The following ADCK1 variants were observed in gnomAD, a reference collection of about 807,000 sequenced individuals.
The protein encoded by ADCK1 is aarF domain-containing protein kinase 1.
ADCK1 carries 41 observed loss-of-function variants against 52.3 expected under a neutral mutation model. The observed-to-expected ratio is 0.78, with a 90% CI of 0.61 to 1.02. The LOEUF is 1.02. Among genes scored for constraint, ADCK1 ranks in the 50% least tolerant of loss-of-function variants. The pLI is 0.00. For synonymous variants in ADCK1, 250 were observed against 274.6 expected (o/e 0.91, Z 0.89); for missense variants, 658 against 679.5 (o/e 0.97, Z 0.35).
chr14:77,855,457 T>C (rs2082398072), intron 3 of ADCK1, among the ~76,000 whole-genome samples: 1 of 152,240 alleles, frequency 6.6e-6, no homozygotes, highest in Admixed American at 6.5e-5. Flanking sequence ...TGAGACACTC[T>C]GAAGTCCTGT....
Position 77,827,897 on chromosome 14 carries a change from C to T in ADCK1, c.219+5379C>T, listed in dbSNP as rs368051887. ...AGGCTGGAGTGCATTGGCGTGATCT[C>T]GGCTCACTGCAACCTCTACCTCCTG... On this transcript the variant is annotated intron_variant, in intron 3 of 10. Transcript: ENST00000238561. 9 of 400,882 alleles carry T rather than the reference C, an allele frequency of 2.2e-5. No individual in the cohort carries two copies. The Middle Eastern group carries it at 2.6e-3, about 115-fold the overall frequency. 24.8% of individuals were successfully genotyped at this position (400,882 alleles called of 1,614,324 possible). A position where few individuals can be genotyped will look rare whatever the true frequency, so the allele number is the denominator to read the frequency against.
At chr14:77,856,614 A>G (rs2082421954) in intron 3 of ADCK1, among the ~76,000 whole-genome samples, 2 of 152,210 alleles carry the variant, frequency 1.3e-5, no homozygotes, top group Admixed American at 1.3e-4. Flanking sequence ...CTTTGACTCC[A>G]TCTGACCTAA....
At chr14:77,910,831 G>A (rs1020794297) in intron 7 of ADCK1, among the ~76,000 whole-genome samples, 1 of 152,184 alleles carries the variant, frequency 6.6e-6, no homozygotes, top group East Asian at 1.9e-4. Context: ...TCTGAGGACT[G>A]GTCTCATCTG....
Position 77,847,869 on chromosome 14 carries a change from T to A in ADCK1, c.220-11207T>A, listed in dbSNP as rs139292130. ...CATGAATTTGTTCCCAATCTCAGAG[T>A]TTGTTTTCTGGCTTACTGGAACAGT... On this transcript the variant is annotated intron_variant, in intron 3 of 10. Coordinates refer to ENST00000238561, the MANE Select transcript of ADCK1 (RefSeq NM_020421.4). Among the ~76,000 whole-genome samples, 13 of 152,184 alleles carry A rather than the reference T, an allele frequency of 8.5e-5. No homozygotes were observed. The East Asian group carries it at 1.5e-3, about 18-fold the overall frequency.
At chr14:77,879,689 A>T (rs1476952421) in intron 4 of ADCK1, among the ~76,000 whole-genome samples, 1 of 152,200 alleles carries the variant, frequency 6.6e-6, no homozygotes, top group African/African-American at 2.4e-5. Context: ...CCCTAGCTGC[A>T]TGTGTAGGCT....
chr14:77,921,385 G>A (rs1019938003), intron 7 of ADCK1, among the ~76,000 whole-genome samples: 11 of 145,396 alleles, frequency 7.6e-5, no homozygotes, highest in Non-Finnish European at 1.7e-4. Context: ...AAAACAAACT[G>A]TGGTGTGCGT....
chr14:77,873,364 T>C (rs2082827699), intron 4 of ADCK1, among the ~76,000 whole-genome samples: 2 of 152,256 alleles, frequency 1.3e-5, no homozygotes, highest in South Asian at 4.1e-4. Flanking sequence ...CCTTGGTGAT[T>C]TATGCCATGG....
chr14:77,922,680 G>A (rs2084090294), intron 7 of ADCK1, among the ~76,000 whole-genome samples: 1 of 152,224 alleles, frequency 6.6e-6, no homozygotes, highest in South Asian at 2.1e-4. Flanking sequence ...CTAGAAGGCT[G>A]CGGGGTCAGC....
At chr14:77,805,892 C>T (rs72688829) in intron 1 of ADCK1, among the ~76,000 whole-genome samples, 20,621 of 151,512 alleles carry the variant, frequency 0.14, 1,552 homozygotes, top group Middle Eastern at 0.2. Flanking sequence ...AATCTTGTGA[C>T]CTCTGATCAC....
chr14:77,802,593 T>A (rs944279029), intron 1 of ADCK1, among the ~76,000 whole-genome samples: 1 of 151,228 alleles, frequency 6.6e-6, no homozygotes, highest in African/African-American at 2.4e-5. Context: ...CTTTATTTAA[T>A]CAACATTGAT....
rs558205777 is a variant in ADCK1, at chr14:77,805,210, TA to T, written c.-12+5059del. On this transcript the variant is annotated intron_variant, in intron 1 of 10. Transcript: ENST00000238561. ...AACAAGAGTGAGACTCTGTCTCATT[TA>T]AAAAAAAAAAAAAAAAAAGAGTCAT... Among the ~76,000 whole-genome samples, 682 of 101,484 alleles carry T rather than the reference TA, an allele frequency of 6.7e-3. 7 individuals are homozygous for T. The highest frequency in any genetic ancestry group is 0.037 in the East Asian group (125 of 3,408). The allele number at this position is 101,484 out of a possible 152,430, so 66.6% of individuals were successfully genotyped here.
At chr14:77,926,208 CA>C (rs1566741431) in intron 9 of ADCK1, among the ~76,000 whole-genome samples, 2 of 152,214 alleles carry the variant, frequency 1.3e-5, no homozygotes, top group African/African-American at 2.4e-5. Context: ...CTGGAGGAAA[CA>C]GGTGCACATT....
At chr14:77,869,283 C>T (rs548967914) in intron 4 of ADCK1, among the ~76,000 whole-genome samples, 3 of 152,228 alleles carry the variant, frequency 2.0e-5, no homozygotes, top group Admixed American at 1.3e-4. Context: ...TCTGAGGCCG[C>T]GAGGGAGGAT....
chr14:77,841,645 A>G (rs980562578), intron 3 of ADCK1, among the ~76,000 whole-genome samples: 8 of 142,478 alleles, frequency 5.6e-5, no homozygotes, highest in African/African-American at 2.1e-4. Flanking sequence ...CCTGGACAAC[A>G]TGGTGAAACC....
intron 6 of ADCK1, chr14:77,902,324 A>G (rs2083564962): frequency 6.6e-6 from 1 of 152,180 alleles, no homozygotes. Context: ...CCATACTCCC[A>G]GTATGCTTGA....
intron 3 of ADCK1, among the ~76,000 whole-genome samples, chr14:77,827,607 A>G (rs1170873527): frequency 6.6e-6 from 1 of 151,472 alleles, no homozygotes; most frequent in African/African-American, 2.4e-5. Flanking sequence ...CCACTTAAAC[A>G]TGCTGGGTCT....
rs547100794 is a variant in ADCK1, at chr14:77,912,920, T to C, written c.858+5001T>C. On this transcript the variant is annotated intron_variant, in intron 7 of 10. Coordinates refer to ENST00000238561, the MANE Select transcript of ADCK1 (RefSeq NM_020421.4). Reference sequence around the variant, plus strand: ...GCAAGAGGGATAGGTTCAATCTCTGTCCTGCTGGTAGCTTGCTGTATAACC... The same window carrying C: ...GCAAGAGGGATAGGTTCAATCTCTGCCCTGCTGGTAGCTTGCTGTATAACC... 2.0e-4 allele frequency among the ~76,000 whole-genome samples: 30 copies of C among 152,300 alleles called. 1 individual carries two copies. Among genetic ancestry groups the C allele is most frequent in the Admixed American group, 1.8e-3 (27 of 15,300 alleles).
chr14:77,835,996 A>T (rs2081952197), intron 3 of ADCK1, among the ~76,000 whole-genome samples: 1 of 152,220 alleles, frequency 6.6e-6, no homozygotes, highest in South Asian at 2.1e-4. Context: ...TTCGTGTTTT[A>T]GAAACTTAAT....
intron 7 of ADCK1, among the ~76,000 whole-genome samples, chr14:77,915,505 C>G (rs2083902552): frequency 6.6e-6 from 1 of 151,990 alleles, no homozygotes. Flanking sequence ...GACTTGGAAC[C>G]AAGCCAAATG....
Sources: allele counts gnomAD v4.1 joint callset (sites outside exome capture counted in the v4.1 genomes callset), GRCh38; gene constraint gnomAD v4.1.1; transcripts MANE v1.5; gene names NCBI Gene and HGNC (gene_info 2026-07-23, HGNC 2026-07-21).